Variants in MMS22L observed in about 807,000 individuals in gnomAD.
MMS22L encodes the protein protein MMS22-like.
MMS22L carries 74 observed loss-of-function variants against 159.1 expected under a neutral mutation model. The observed-to-expected ratio is 0.47, with a 90% CI of 0.39 to 0.56. MMS22L has a LOEUF of 0.56. Ranked by LOEUF, MMS22L falls within the 20% of genes least tolerant of loss-of-function variation. MMS22L has a pLI of 0.00. For missense variants in MMS22L, 1,351 were observed against 1,422.1 expected (o/e 0.95, Z 0.80); for synonymous variants, 517 against 506.9 (o/e 1.02, Z -0.27).
At chr6:97,183,484 T>G (rs946910886) in intron 15 of MMS22L, among the ~76,000 whole-genome samples, 3 of 152,152 alleles carry the variant, frequency 2.0e-5, no homozygotes, top group Non-Finnish European at 4.4e-5. Flanking sequence ...TCAAGTAGGC[T>G]CTTAGAATTG....
chr6:97,276,155 T>C (rs1582874940), intron 4 of MMS22L, among the ~76,000 whole-genome samples: 1 of 152,190 alleles, frequency 6.6e-6, no homozygotes, highest in Non-Finnish European at 1.5e-5. Flanking sequence ...AGTAACTACA[T>C]AGGGACTTCT....
chr6:97,255,351 A>G (rs1303206547), intron 9 of MMS22L, among the ~76,000 whole-genome samples: 1 of 152,128 alleles, frequency 6.6e-6, no homozygotes, highest in Non-Finnish European at 1.5e-5. Context: ...AACTGAAGTC[A>G]TGTTCCTTTT....
intron 7 of MMS22L, among the ~76,000 whole-genome samples, chr6:97,268,421 C>T (rs1815374715): frequency 6.6e-6 from 1 of 152,090 alleles, no homozygotes; most frequent in Non-Finnish European, 1.5e-5. Flanking sequence ...ATCTCCTGAC[C>T]TTGTGATCTG....
At chr6:97,215,990 A>C (rs1439760936) in intron 14 of MMS22L, among the ~76,000 whole-genome samples, 1 of 152,200 alleles carries the variant, frequency 6.6e-6, no homozygotes, top group East Asian at 1.9e-4. Context: ...AACAATTGAA[A>C]TTAAGAGTTT....
chr6:97,257,351 T>C (rs577258845), intron 9 of MMS22L, among the ~76,000 whole-genome samples: 64 of 152,370 alleles, frequency 4.2e-4, no homozygotes, highest in Non-Finnish European at 7.3e-4. Context: ...TTAATGTTTC[T>C]TCAGCTTACT....
chr6:97,244,009 A>G (rs754385468), intron 11 of MMS22L, among the ~76,000 whole-genome samples: 1 of 152,140 alleles, frequency 6.6e-6, no homozygotes, highest in Non-Finnish European at 1.5e-5. Context: ...CCTTGGTTGC[A>G]GTTTTGTTTA....
chr6:97,228,871 T>C, intron 14 of MMS22L, 23 bp downstream of exon 14: 1 of 1,566,138 alleles, frequency 6.4e-7, no homozygotes, highest in South Asian at 1.2e-5. Flanking sequence ...AATCATAAAT[T>C]AGCATACAAC....
intron 11 of MMS22L, among the ~76,000 whole-genome samples, chr6:97,243,800 G>C (rs952649777): frequency 1.3e-5 from 2 of 152,098 alleles, no homozygotes; most frequent in African/African-American, 4.8e-5. Flanking sequence ...CCCCCTTCCT[G>C]AGAGCCAGAC....
At chr6:97,246,775 C>T (rs1812692362) in intron 10 of MMS22L, 85 bp from the exon 11 acceptor site, 4 of 871,592 alleles carry the variant, frequency 4.6e-6, no homozygotes, top group Middle Eastern at 2.3e-4. Context: ...ATTAAGTGTG[C>T]AGTACATTTT....
chr6:97,280,052 T>G (rs1336473496), intron 3 of MMS22L, among the ~76,000 whole-genome samples: 1 of 152,176 alleles, frequency 6.6e-6, no homozygotes, highest in Non-Finnish European at 1.5e-5. Context: ...TCGCTCATTC[T>G]GTAATCTTCA....
chr6:97,254,590 G>C lies in MMS22L; in HGVS notation c.1086C>G (p.Tyr362Ter), dbSNP rs1340610437. The change falls in exon 10 of 25, where the codon TAC (tyrosine) becomes TAG (stop). Residue 362 changes from tyrosine to a stop codon, truncating the protein, a stop_gained. Transcript: ENST00000683635. LOFTEE classifies it high-confidence loss of function. ...WWIITHVASFYKFDRHGVPDE... is the reference protein window; with the variant it reads ...WWIITHVASF ...CTGGTACTCCATGGCGATCAAACTT[G>C]TAAAATGATGCTACATGAGTAATAA... 6.2e-7 allele frequency: 1 copy of C among 1,613,456 alleles called. No homozygotes were observed. The highest frequency in any genetic ancestry group is 1.7e-5 in the Admixed American group (1 of 59,954).
rs1803741695 is a variant in MMS22L, at chr6:97,173,225, A to G, written c.2680-3T>C. ...TTCCCGTAAGTTACACCAACAGCCTATAAATAAAGAAAAACATTATTTAAC... is the reference window on the plus strand; with the variant it reads ...TTCCCGTAAGTTACACCAACAGCCTGTAAATAAAGAAAAACATTATTTAAC... On this transcript the variant is annotated splice_polypyrimidine_tract_variant and splice_region_variant and intron_variant, in intron 18 of 24. Coordinates refer to ENST00000683635, the MANE Select transcript of MMS22L (RefSeq NM_001350599.2). The G allele has an allele frequency of 6.2e-7, 1 of 1,603,912 alleles. No individual in the cohort carries two copies.
intron 14 of MMS22L, among the ~76,000 whole-genome samples, chr6:97,206,849 A>G (rs1807842107): frequency 6.6e-6 from 1 of 152,212 alleles, no homozygotes; most frequent in Admixed American, 6.5e-5. Context: ...TTTAGGTAGA[A>G]TAACAGTTAT....
chr6:97,173,309 T>C, intron 18 of MMS22L, 87 bp from the exon 19 acceptor site: 1 of 1,255,788 alleles, frequency 8.0e-7, no homozygotes, highest in Non-Finnish European at 1.1e-6. Context: ...TCTCTTTTTC[T>C]ACATACGCAC....
intron 4 of MMS22L, among the ~76,000 whole-genome samples, chr6:97,276,504 A>G (rs1816256728): frequency 6.6e-6 from 1 of 152,204 alleles, no homozygotes. Context: ...CAGGAGTTCC[A>G]AAATAAAAAT....
At chr6:97,196,209 G>T (rs528008079) in intron 14 of MMS22L, among the ~76,000 whole-genome samples, 1 of 152,210 alleles carries the variant, frequency 6.6e-6, no homozygotes, top group East Asian at 1.9e-4. Flanking sequence ...AGAATGTACA[G>T]TTAAGTGCCG....
chr6:97,167,924 CAA>C (rs1333891398), intron 20 of MMS22L, 145 bp downstream of exon 20: 17 of 735,656 alleles, frequency 2.3e-5, no homozygotes, highest in Non-Finnish European at 3.5e-5. Context: ...AACATAAAAG[CAA>C]TTTAAAATAT....
intron 14 of MMS22L, among the ~76,000 whole-genome samples, chr6:97,219,107 T>C (rs373082422): frequency 6.6e-6 from 1 of 152,148 alleles, no homozygotes; most frequent in Non-Finnish European, 1.5e-5. Flanking sequence ...TGGAGGATTA[T>C]AGGTCTCTCC....
Position 97,211,815 on chromosome 6 carries a change from GTTAA to G in MMS22L, c.2039+17075_2039+17078del, listed in dbSNP as rs1295330023. 4.6e-5 allele frequency among the ~76,000 whole-genome samples: 7 copies of G among 152,222 alleles called. No homozygotes were observed. The East Asian group carries it at 5.8e-4, about 13-fold the overall frequency. Reference sequence around the variant, plus strand: ...CTTAAATATGTGTACAAGTAGCAAAGTTAATTATTTTTATTATTAATGGAATGTG... The same window carrying G: ...CTTAAATATGTGTACAAGTAGCAAAGTTATTTTTATTATTAATGGAATGTG... On this transcript the variant is annotated intron_variant, in intron 14 of 24. Coordinates refer to ENST00000683635, the MANE Select transcript of MMS22L (RefSeq NM_001350599.2).
Sources: allele counts gnomAD v4.1 joint callset (sites outside exome capture counted in the v4.1 genomes callset), GRCh38; gene constraint gnomAD v4.1.1; transcripts MANE v1.5; gene names NCBI Gene and HGNC (gene_info 2026-07-23, HGNC 2026-07-21).